The following USH2A variants were observed in gnomAD, a reference collection of about 807,000 sequenced individuals.
The protein encoded by USH2A is usherin.
USH2A carries 443 observed loss-of-function variants against 538.9 expected under a neutral mutation model. That is an observed-to-expected ratio of 0.82 (90% CI 0.76 to 0.89). The LOEUF (loss-of-function observed/expected upper bound fraction) is 0.89. Among genes scored for constraint, USH2A ranks in the 40% least tolerant of loss-of-function variants. The pLI, the probability that USH2A is intolerant of heterozygous loss-of-function variation, is 0.00. For synonymous variants in USH2A, 2,413 were observed against 2,273.5 expected (o/e 1.06, Z -1.75); for missense variants, 6,633 against 6,324.8 (o/e 1.05, Z -1.65).
chr1:216,323,756 T>A, intron 7 of USH2A, 61 bp from the exon 8 acceptor site: 1 of 1,516,562 alleles, frequency 6.6e-7, no homozygotes, highest in East Asian at 2.3e-5. Context: ...AAAACAGAAA[T>A]CAAAATGTTG....
At chr1:215,962,885 ATGTTTTT>A (rs374541628) in intron 37 of USH2A, among the ~76,000 whole-genome samples, 22 of 152,244 alleles carry the variant, frequency 1.4e-4, no homozygotes, top group African/African-American at 5.3e-4. Context: ...ACGAAACCTA[ATGTTTTT>A]GTAAAGTTTT....
intron 30 of USH2A, among the ~76,000 whole-genome samples, chr1:216,052,961 T>C (rs2030845051): frequency 1.3e-5 from 2 of 152,214 alleles, no homozygotes. Flanking sequence ...TTAGGTACTC[T>C]CTGGAAAATA....
chr1:215,650,965 C>A (rs1299335890), intron 64 of USH2A, among the ~76,000 whole-genome samples, 164 bp from the exon 65 acceptor site: 2 of 151,848 alleles, frequency 1.3e-5, no homozygotes, highest in Non-Finnish European at 2.9e-5. Flanking sequence ...CACAGGAGAG[C>A]AAGGAGAGCA....
At chr1:216,391,835 CTT>C (rs2102747294) in intron 3 of USH2A, among the ~76,000 whole-genome samples, 1 of 152,332 alleles carries the variant, frequency 6.6e-6, no homozygotes, top group African/African-American at 2.4e-5. Flanking sequence ...TGTTCCAGGT[CTT>C]AATCCTATAT....
intron 54 of USH2A, among the ~76,000 whole-genome samples, chr1:215,780,706 C>T (rs1467065296): frequency 1.3e-5 from 2 of 152,204 alleles, no homozygotes; most frequent in Admixed American, 1.3e-4. Context: ...ATGTAGCAGG[C>T]ATGAAGTGTG....
chr1:216,119,129 T>C (rs1298411619), intron 21 of USH2A, among the ~76,000 whole-genome samples: 2 of 152,202 alleles, frequency 1.3e-5, no homozygotes, highest in East Asian at 1.9e-4. Flanking sequence ...TGGTCTTATA[T>C]GAACTATTCA....
At chr1:215,658,494 T>C (rs1241705159) in intron 64 of USH2A, among the ~76,000 whole-genome samples, 1 of 152,172 alleles carries the variant, frequency 6.6e-6, no homozygotes, top group Non-Finnish European at 1.5e-5. Context: ...ACTTGGTAAG[T>C]GGTAAGGCTG....
intron 40 of USH2A, among the ~76,000 whole-genome samples, chr1:215,890,936 C>T (rs562900606): frequency 6.6e-6 from 1 of 152,288 alleles, no homozygotes; most frequent in Non-Finnish European, 1.5e-5. Context: ...GAGTAATATA[C>T]ACTTAAAAAT....
intron 3 of USH2A, among the ~76,000 whole-genome samples, chr1:216,378,408 C>T (rs1295409247): frequency 6.6e-6 from 1 of 152,094 alleles, no homozygotes; most frequent in Non-Finnish European, 1.5e-5. Flanking sequence ...TTTACCTCTA[C>T]CCTCCACAAA....
intron 32 of USH2A, among the ~76,000 whole-genome samples, chr1:216,024,751 G>T (rs1668924296): frequency 6.6e-6 from 1 of 151,948 alleles, no homozygotes; most frequent in South Asian, 2.1e-4. Context: ...CAGATAGCGA[G>T]ATGTGTACAA....
intron 59 of USH2A, among the ~76,000 whole-genome samples, chr1:215,742,194 T>G (rs2102726431): frequency 6.6e-6 from 1 of 152,196 alleles, no homozygotes; most frequent in East Asian, 1.9e-4. Flanking sequence ...TTCTGATGAG[T>G]TCAGCAGAGC....
chr1:216,167,674 C>T (rs997261358), intron 21 of USH2A, among the ~76,000 whole-genome samples: 2 of 152,086 alleles, frequency 1.3e-5, no homozygotes, highest in African/African-American at 4.8e-5. Context: ...AAGGTCAAAT[C>T]ATCTCTCAAG....
At chr1:215,955,026 A>G (rs1367726544) in intron 37 of USH2A, among the ~76,000 whole-genome samples, 1 of 152,182 alleles carries the variant, frequency 6.6e-6, no homozygotes, top group South Asian at 2.1e-4. Flanking sequence ...CATCAGCTCA[A>G]AGAAACTTTC....
At chr1:216,220,372 G>A (rs1157338194) in intron 14 of USH2A, among the ~76,000 whole-genome samples, 1 of 149,348 alleles carries the variant, frequency 6.7e-6, no homozygotes, top group Non-Finnish European at 1.5e-5. Flanking sequence ...GAATTGCCCC[G>A]GTCCTCAAGG....
In USH2A at chr1:216,324,734, C is replaced by A. The variant is rs142143572; in HGVS notation, c.1144-382G>T. On this transcript the variant is annotated intron_variant, in intron 6 of 71. Transcript: ENST00000307340. ...TCATAAATATCATTTTGATACAAAT[C>A]TCAAACATAAGGTCCTACATGTTGT... is the stretch of plus-strand genomic sequence containing the variant. Among the ~76,000 whole-genome samples the A allele has an allele frequency of 5.3e-5, 8 of 152,174 alleles. No homozygotes were observed. In the East Asian group the frequency reaches 1.5e-3, roughly 29 times the overall value.
chr1:216,294,678 A>C (rs2037069783), intron 9 of USH2A, among the ~76,000 whole-genome samples: 1 of 151,960 alleles, frequency 6.6e-6, no homozygotes, highest in Non-Finnish European at 1.5e-5. Context: ...TAGAAAAATT[A>C]AACTCATACT....
intron 48 of USH2A, among the ~76,000 whole-genome samples, chr1:215,815,128 T>C (rs888611730): frequency 6.6e-5 from 10 of 152,034 alleles, no homozygotes; most frequent in African/African-American, 2.2e-4. Flanking sequence ...ATTTTTTTTT[T>C]GAAATTTAAC....
At chr1:215,996,726 T>A (rs1003132539) in intron 34 of USH2A, among the ~76,000 whole-genome samples, 28 of 152,016 alleles carry the variant, frequency 1.8e-4, no homozygotes, top group African/African-American at 6.8e-4. Flanking sequence ...CATTCAGGAA[T>A]TGTTTGCTCA....
chr1:216,324,457 A>G (rs1282108590), intron 6 of USH2A, 105 bp from the exon 7 acceptor site: 2 of 1,082,728 alleles, frequency 1.8e-6, no homozygotes, highest in Non-Finnish European at 2.7e-6. Context: ...TCACTTCATC[A>G]TAATTATAGT....
Sources: gnomAD v4.1 joint callset for allele counts (sites outside exome capture counted in the v4.1 genomes callset) on GRCh38, gnomAD v4.1.1 for gene constraint, MANE v1.5 for transcripts, NCBI Gene and HGNC (gene_info 2026-07-23, HGNC 2026-07-21) for gene names.